Variants in TMEM62 observed in about 807,000 individuals in gnomAD.
The protein encoded by TMEM62 is transmembrane protein 62.
In TMEM62, 41 loss-of-function variants were observed where a neutral mutation model predicts 70.4. That is an observed-to-expected ratio of 0.58 (90% CI 0.45 to 0.76). TMEM62 has a LOEUF of 0.76. Among genes scored for constraint, TMEM62 ranks in the 30% least tolerant of loss-of-function variants. TMEM62 has a pLI of 0.00. For synonymous variants in TMEM62, 268 were observed against 291.0 expected (o/e 0.92, Z 0.80); for missense variants, 688 against 788.5 (o/e 0.87, Z 1.53).
intron 10 of TMEM62, among the ~76,000 whole-genome samples, chr15:43,168,597 C>A (rs2039851130): frequency 6.6e-6 from 1 of 152,080 alleles, no homozygotes; most frequent in Non-Finnish European, 1.5e-5. Context: ...ACCCAGGTGG[C>A]AAAACAAAGT....
At chr15:43,181,644 G>A (rs562893353) in intron 13 of TMEM62, among the ~76,000 whole-genome samples, 9 of 152,190 alleles carry the variant, frequency 5.9e-5, no homozygotes, top group Admixed American at 1.3e-4. Context: ...TGGGATTACA[G>A]GCATGTGCCA....
chr15:43,134,088 A>G, intron 1 of TMEM62, 106 bp downstream of exon 1: 1 of 1,436,340 alleles, frequency 7.0e-7, no homozygotes, highest in Non-Finnish European at 9.1e-7. Context: ...GACCTCAGTC[A>G]GATTGTAACT....
In TMEM62 at chr15:43,133,797, G is replaced by A; in HGVS notation, c.-6G>A. 7.3e-7 allele frequency: 1 copy of A among 1,365,418 alleles called. No homozygotes were observed. Among genetic ancestry groups the A allele is most frequent in the Non-Finnish European group, 9.4e-7 (1 of 1,067,834 alleles). The allele number at this position is 1,365,418 out of a possible 1,614,324, so 84.6% of individuals were successfully genotyped here. A position where few individuals can be genotyped will look rare whatever the true frequency, so the allele number is the denominator to read the frequency against. On this transcript the variant is annotated 5_prime_UTR_variant, in exon 1 of 14. Transcript: ENST00000260403. The stretch of plus-strand genomic sequence containing the variant: ...AGCGAGGGCCGCGCCCCGGCGGGCG[G>A]GCGGCATGGCTGCAGTGCTGGCTCT...
Position 43,154,840 on chromosome 15 carries a change from G to A in TMEM62, c.1182+9G>A. 3.2e-6 allele frequency: 5 copies of A among 1,585,910 alleles called. No individual in the cohort carries two copies. Among genetic ancestry groups the A allele is most frequent in the Non-Finnish European group, 4.3e-6 (5 of 1,168,052 alleles). The stretch of plus-strand genomic sequence containing the variant: ...TAGAAGTAATCGTCCAGGTAAGTTA[G>A]TAATTTATATTTACTATGTAAATGA... On this transcript the variant is annotated intron_variant, in intron 9 of 13. Transcript: ENST00000260403.
intron 9 of TMEM62, among the ~76,000 whole-genome samples, chr15:43,156,838 C>T (rs1047421997): frequency 1.3e-5 from 2 of 152,124 alleles, no homozygotes; most frequent in Admixed American, 6.5e-5. Flanking sequence ...TTGAAGTCAT[C>T]GCCTACAAAC....
chr15:43,169,520 A>G, intron 10 of TMEM62, 73 bp from the exon 11 acceptor site: 1 of 1,330,048 alleles, frequency 7.5e-7, no homozygotes, highest in African/African-American at 1.5e-5. Flanking sequence ...TTTTGTTAAT[A>G]AGGCTACTTT....
chr15:43,178,524 C>A (rs1436188504), intron 11 of TMEM62, 83 bp from the exon 12 acceptor site: 3 of 785,896 alleles, frequency 3.8e-6, no homozygotes, highest in Non-Finnish European at 6.4e-6. Flanking sequence ...TGGTAGATAG[C>A]CCATGAAAAT....
chr15:43,154,530 A>G (rs1326057827), intron 8 of TMEM62, 142 bp from the exon 9 acceptor site: 7 of 595,088 alleles, frequency 1.2e-5, no homozygotes, highest in Non-Finnish European at 1.8e-5. Context: ...AAACCAGATC[A>G]TATCAATAGT....
Position 43,135,686 on chromosome 15 carries a change from T to G in TMEM62, c.430+37T>G, listed in dbSNP as rs752178719. 5 of 1,533,418 alleles carry G rather than the reference T, an allele frequency of 3.3e-6. No homozygotes were observed. In the Admixed American group the frequency reaches 9.7e-5, roughly 30 times the overall value. 95.0% of individuals were successfully genotyped at this position (1,533,418 alleles called of 1,614,324 possible). On this transcript the variant is annotated intron_variant, in intron 3 of 13. Transcript: ENST00000260403. ...GAGCCAGATACAATAAAGACAAGAGTTTTTTTCCCCCTTCAGGAACCTAGA... is the reference window on the plus strand; with the variant it reads ...GAGCCAGATACAATAAAGACAAGAGGTTTTTTCCCCCTTCAGGAACCTAGA...
intron 7 of TMEM62, 148 bp downstream of exon 7, chr15:43,149,299 C>T (rs1375597619): frequency 1.2e-6 from 1 of 855,180 alleles, no homozygotes; most frequent in Non-Finnish European, 1.7e-6. Context: ...TCTCTGAAAT[C>T]TTTGTCATTT....
intron 9 of TMEM62, among the ~76,000 whole-genome samples, chr15:43,158,564 C>T (rs2038309864): frequency 6.6e-6 from 1 of 152,194 alleles, no homozygotes; most frequent in Non-Finnish European, 1.5e-5. Context: ...ATCTTTTCAC[C>T]TAAGGGTTTT....
At position 43,178,989 on chromosome 15, in the gene TMEM62, CTTCT is replaced by C. The variant is rs777533999; in HGVS notation, c.1486+281_1486+284del. Among the ~76,000 whole-genome samples the C allele has an allele frequency of 2.6e-5, 4 of 152,146 alleles. 1 individual carries two copies. The South Asian group carries it at 8.3e-4, about 32-fold the overall frequency. On this transcript the variant is annotated intron_variant, in intron 12 of 13. Transcript: ENST00000260403. ...TTAAATAGCACCTCCTCAGAGCAAC[CTTCT>C]TTGTCTATCTTAAAGTTTTAGTCTA... is the stretch of plus-strand genomic sequence containing the variant.
At chr15:43,143,051 G>T (rs996936361) in intron 4 of TMEM62, among the ~76,000 whole-genome samples, 1 of 151,698 alleles carries the variant, frequency 6.6e-6, no homozygotes, top group African/African-American at 2.4e-5. Context: ...CTATAGTATG[G>T]TGTAAACATA....
chr15:43,177,878 A>G (rs2040927390), intron 11 of TMEM62, among the ~76,000 whole-genome samples: 1 of 151,960 alleles, frequency 6.6e-6, no homozygotes, highest in South Asian at 2.1e-4. Flanking sequence ...GGATAGCATT[A>G]GGAGATATAC....
At chr15:43,143,987 C>G (rs1419703720) in intron 4 of TMEM62, among the ~76,000 whole-genome samples, 1 of 152,096 alleles carries the variant, frequency 6.6e-6, no homozygotes, top group African/African-American at 2.4e-5. Context: ...TAAGGGACAT[C>G]AGAATTATTT....
At chr15:43,139,162 A>G (rs1279108092) in intron 4 of TMEM62, among the ~76,000 whole-genome samples, 1 of 152,118 alleles carries the variant, frequency 6.6e-6, no homozygotes, top group African/African-American at 2.4e-5. Flanking sequence ...AAACTTTTTC[A>G]TTATATCTTT....
At chr15:43,146,746 GAA>G in intron 5 of TMEM62, 112 bp downstream of exon 5, 1 of 1,013,004 alleles carries the variant, frequency 9.9e-7, no homozygotes, top group Non-Finnish European at 1.4e-6. Context: ...ATGCTTTGGA[GAA>G]ATTTAACTTG....
intron 9 of TMEM62, among the ~76,000 whole-genome samples, chr15:43,155,162 A>G (rs1188791346): frequency 6.6e-6 from 1 of 151,922 alleles, no homozygotes; most frequent in African/African-American, 2.4e-5. Context: ...CCCAGGAGGT[A>G]GAGGTTGCAG....
In TMEM62 at chr15:43,151,873, A is replaced by G. The variant is rs1469915195; in HGVS notation, c.950A>G (p.Asn317Ser). ...FGKWPVVLIT[N>S]PKSLLYSCGE... is the part of the protein sequence containing the mutation. Reference sequence around the variant, plus strand: ...AAGTGGCCTGTGGTTCTTATCACCAATCCTAAATCACTCCTTTATAGTTGT... The same window carrying G: ...AAGTGGCCTGTGGTTCTTATCACCAGTCCTAAATCACTCCTTTATAGTTGT... Residue 317 changes from asparagine (N) to serine (S), a missense_variant, in exon 8 of 14, where the codon AAT (asparagine) becomes AGT (serine). By Grantham distance (46) the Asn-to-Ser change is conservative. Transcript: ENST00000260403. 2.5e-6 allele frequency: 4 copies of G among 1,613,844 alleles called. No homozygotes were observed. Among genetic ancestry groups the G allele is most frequent in the African/African-American group, 1.3e-5 (1 of 74,916 alleles).
Sources: gnomAD v4.1 joint callset for allele counts (sites outside exome capture counted in the v4.1 genomes callset) on GRCh38, gnomAD v4.1.1 for gene constraint, MANE v1.5 for transcripts, NCBI Gene and HGNC (gene_info 2026-07-23, HGNC 2026-07-21) for gene names.